The following KMT2E variants were observed in gnomAD, a reference collection of about 807,000 sequenced individuals.
KMT2E encodes the protein histone reader KMT2E.
In KMT2E, 30 loss-of-function variants were observed where a neutral mutation model predicts 184.6. The observed-to-expected ratio is 0.16, with a 90% confidence interval of 0.12 to 0.22. The LOEUF (loss-of-function observed/expected upper bound fraction) is 0.22, where lower values mean the gene tolerates loss of function less well. KMT2E is among the 10% of genes least tolerant of loss of function. The pLI is 1.00. For missense variants in KMT2E, 2,023 were observed against 2,237.4 expected, an observed-to-expected ratio of 0.90 and a Z score of 1.93; for synonymous variants, 815 against 776.5, an observed-to-expected ratio of 1.05 and a Z score of -0.82.
intron 3 of KMT2E, among the ~76,000 whole-genome samples, chr7:105,047,324 G>A (rs931931522): frequency 3.3e-5 from 5 of 152,194 alleles, no homozygotes; most frequent in Non-Finnish European, 7.3e-5. Context: ...TTTGAGGAAA[G>A]TTTCTTATCA....
intron 13 of KMT2E, among the ~76,000 whole-genome samples, chr7:105,086,463 G>A (rs765700302): frequency 6.6e-6 from 1 of 152,010 alleles, no homozygotes. Context: ...TATGACTCAC[G>A]GCTGTAATCC....
intron 1 of KMT2E, among the ~76,000 whole-genome samples, chr7:105,027,074 CTTT>C (rs34930855): frequency 5.2e-4 from 43 of 81,936 alleles, no homozygotes; most frequent in East Asian, 1.2e-3. Flanking sequence ...GCCCCGCCCT[CTTT>C]TTTTTTTTTT....
chr7:105,014,884 G>A (rs1794646364), intron 1 of KMT2E, among the ~76,000 whole-genome samples: 2 of 152,148 alleles, frequency 1.3e-5, no homozygotes, highest in African/African-American at 4.8e-5. Context: ...AGTAGGGTTT[G>A]TGTCGAAGTG....
intron 1 of KMT2E, among the ~76,000 whole-genome samples, chr7:105,034,769 T>G (rs1274227958): frequency 2.0e-5 from 3 of 151,394 alleles, no homozygotes; most frequent in Non-Finnish European, 4.4e-5. Context: ...GAATAACCTA[T>G]CCTCCATTTC....
At chr7:105,044,907 T>A (rs541208974) in intron 3 of KMT2E, among the ~76,000 whole-genome samples, 107 of 152,318 alleles carry the variant, frequency 7.0e-4, no homozygotes, top group African/African-American at 2.5e-3. Flanking sequence ...CACTATTTGT[T>A]CTACCTGCTT....
chr7:105,089,856 G>A (rs538118646), intron 13 of KMT2E, among the ~76,000 whole-genome samples, 153 bp from the exon 14 acceptor site: 1 of 152,122 alleles, frequency 6.6e-6, no homozygotes, highest in South Asian at 2.1e-4. Context: ...ATTTTTTGTG[G>A]TAGTTAACTA....
In KMT2E at chr7:105,049,170, C is replaced by T. The variant is rs148255175; in HGVS notation, c.71+8147C>T. Reference sequence around the variant, plus strand: ...TTAAGTGAAATAAGTGCTGGCCAGGCGTGGTGGCTCACACCTGTATTCCTA... The same window carrying T: ...TTAAGTGAAATAAGTGCTGGCCAGGTGTGGTGGCTCACACCTGTATTCCTA... On this transcript the variant is annotated intron_variant, in intron 3 of 26. Transcript: ENST00000311117. 4.0e-3 allele frequency among the ~76,000 whole-genome samples: 613 copies of T among 152,230 alleles called. 2 individuals are homozygous for T. Among genetic ancestry groups the T allele is most frequent in the African/African-American group, 0.014 (580 of 41,552 alleles).
In KMT2E at chr7:105,091,708, T is replaced by C. The variant is rs143135122; in HGVS notation, c.1722+394T>C. On this transcript the variant is annotated intron_variant, in intron 15 of 26. Coordinates refer to ENST00000311117, the MANE Select transcript of KMT2E (RefSeq NM_182931.3). ...AACCTTACTATAGCACCAAATAAATTGCTTATGCAAAAAAAAAAAAAAACC... is the reference window on the plus strand; with the variant it reads ...AACCTTACTATAGCACCAAATAAATCGCTTATGCAAAAAAAAAAAAAAACC... 212 of 261,882 alleles carry C rather than the reference T, an allele frequency of 8.1e-4. 3 individuals carry two copies. In the East Asian group the frequency reaches 0.013, roughly 16 times the overall value. The allele number at this position is 261,882 out of a possible 1,614,324, so 16.2% of individuals were successfully genotyped here.
At chr7:105,111,221 G>T (rs1799243666) in intron 26 of KMT2E, 1 of 194,800 alleles carries the variant, frequency 5.1e-6, no homozygotes, top group Non-Finnish European at 1.0e-5. Context: ...TCATTTAAAA[G>T]GAATGACATC....
chr7:105,088,868 G>C (rs12540007), intron 13 of KMT2E, among the ~76,000 whole-genome samples: 42,058 of 152,050 alleles, frequency 0.28, 8,655 homozygotes, highest in East Asian at 0.58. Flanking sequence ...CACTTAGTAT[G>C]GTGAAAAGGA....
intron 6 of KMT2E, among the ~76,000 whole-genome samples, chr7:105,069,610 A>T (rs565409313): frequency 3.3e-5 from 5 of 152,344 alleles, no homozygotes; most frequent in African/African-American, 9.6e-5. Flanking sequence ...ATTGATTTTT[A>T]AAAAATTAAA....
At chr7:105,071,570 GTA>G (rs1458577975) in intron 6 of KMT2E, among the ~76,000 whole-genome samples, 6 of 80,412 alleles carry the variant, frequency 7.5e-5, no homozygotes, top group African/African-American at 2.5e-4. Context: ...ATGTATGTAT[GTA>G]TGTGTGTGTG....
intron 1 of KMT2E, among the ~76,000 whole-genome samples, chr7:105,029,654 C>T (rs1218180419): frequency 4.0e-5 from 6 of 151,012 alleles, no homozygotes; most frequent in Non-Finnish European, 7.4e-5. Context: ...GAAACTGGAA[C>T]GAAAGAAGGA....
chr7:105,075,412 G>A (rs551777184), intron 8 of KMT2E, among the ~76,000 whole-genome samples: 16 of 152,160 alleles, frequency 1.1e-4, no homozygotes, highest in African/African-American at 3.9e-4. Flanking sequence ...AGTAAATACA[G>A]CTCTGTTTAC....
intron 2 of KMT2E, chr7:105,039,354 T>C (rs1380291314): frequency 1.3e-5 from 2 of 152,344 alleles, no homozygotes; most frequent in South Asian, 2.1e-4. Context: ...ATTGGAAATA[T>C]CACTCAGTAC....
intron 5 of KMT2E, chr7:105,064,034 G>A (rs902692714): frequency 6.6e-6 from 3 of 454,464 alleles, no homozygotes; most frequent in African/African-American, 2.0e-5. Context: ...GCAGCACTCT[G>A]GAGTCTCCTT....
intron 1 of KMT2E, among the ~76,000 whole-genome samples, chr7:105,026,030 C>T (rs1310633005): frequency 6.6e-6 from 1 of 152,078 alleles, no homozygotes; most frequent in East Asian, 1.9e-4. Context: ...GAGCTATACT[C>T]AAAGAATACA....
At chr7:105,076,868 AATTTTGTGTGTGTGTGTG>A (rs1797546148) in intron 9 of KMT2E, 77 bp from the exon 10 acceptor site, 21 of 804,262 alleles carry the variant, frequency 2.6e-5, no homozygotes, top group Admixed American at 1.1e-4. Flanking sequence ...GATTGCCGTT[AATTTTGTGTGTGTGTGTG>A]TGTGTGTGTG....
intron 23 of KMT2E, 21 bp from the exon 24 acceptor site, chr7:105,110,259 A>T: frequency 1.3e-6 from 2 of 1,586,886 alleles, no homozygotes; most frequent in Non-Finnish European, 1.7e-6. Flanking sequence ...AATAGAGGAT[A>T]ATGTGATTTT....
Sources: gnomAD v4.1 joint callset for allele counts (sites outside exome capture counted in the v4.1 genomes callset) on GRCh38, gnomAD v4.1.1 for gene constraint, MANE v1.5 for transcripts, NCBI Gene and HGNC (gene_info 2026-07-23, HGNC 2026-07-21) for gene names.